Variants in ZFAT observed in about 807,000 individuals in gnomAD.
ZFAT encodes zinc finger protein ZFAT.
Under a neutral mutation model 117.7 loss-of-function variants are expected in ZFAT, and 64 were observed. The ratio of observed to expected loss-of-function variants is 0.54; its 90% CI spans 0.44 to 0.67. The LOEUF is 0.67. ZFAT is among the 30% of genes least tolerant of loss of function. The pLI is 0.00. For synonymous variants in ZFAT, 679 were observed against 615.0 expected, an observed-to-expected ratio of 1.10 and a Z score of -1.54; for missense variants, 1,433 against 1,584.5, an observed-to-expected ratio of 0.90 and a Z score of 1.62.
chr8:134,777,270 G>A, the ZFAT span, among the ~76,000 whole-genome samples: 13 of 152,196 alleles, frequency 8.5e-5, no homozygotes, highest in African/African-American at 3.1e-4. Context: ...AACAGGGGGT[G>A]CAGATTTGCT....
intron 7 of ZFAT, chr8:134,598,519 C>T (rs1043250321): frequency 1.3e-5 from 2 of 152,186 alleles, no homozygotes; most frequent in Admixed American, 6.5e-5. Flanking sequence ...CCTGACACTC[C>T]CCCACTGATC....
At chr8:134,572,990 A>C (rs1351470188) in intron 10 of ZFAT, among the ~76,000 whole-genome samples, 1 of 152,260 alleles carries the variant, frequency 6.6e-6, no homozygotes, top group Non-Finnish European at 1.5e-5. Context: ...AGCCAGACAT[A>C]AAAGAACACA....
At position 134,601,893 on chromosome 8, in the gene ZFAT, T is replaced by C. The variant is rs773560983; in HGVS notation, c.1826A>G (p.His609Arg). 4 of 1,613,814 alleles carry C rather than the reference T, an allele frequency of 2.5e-6. No individual in the cohort carries two copies. The highest frequency in any genetic ancestry group is 1.1e-5 in the South Asian group (1 of 90,982). ...LKNDTSSAEA[H>R]AAPEKPPDMQ... ...GTCTGGGGGCTTCTCAGGAGCAGCA[T>C]GAGCCTCTGCGGAGGAGGTATCATT... The change falls in exon 6 of 16, where the codon CAT (histidine) becomes CGT (arginine). Residue 609 changes from histidine (H) to arginine (R), a missense_variant. By Grantham distance (29) the His-to-Arg change is conservative. Transcript: ENST00000377838.
chr8:134,803,916 T>C, the ZFAT span, among the ~76,000 whole-genome samples: 1 of 152,214 alleles, frequency 6.6e-6, no homozygotes, highest in South Asian at 2.1e-4. Flanking sequence ...TAATCATGTA[T>C]GGAACCTAAC....
At chr8:134,823,236 G>A in the ZFAT span, among the ~76,000 whole-genome samples, 640 of 152,208 alleles carry the variant, frequency 4.2e-3, 5 homozygotes, top group Non-Finnish European at 6.7e-3. Context: ...AGCAGTTTTG[G>A]AAAGTACTGA....
In ZFAT at chr8:134,537,187, T is replaced by C. The variant is rs191795238; in HGVS notation, c.2977-4215A>G. Among the ~76,000 whole-genome samples, 77 of 152,358 alleles carry C rather than the reference T, an allele frequency of 5.1e-4. 1 individual carries two copies. On this transcript the variant is annotated intron_variant, in intron 11 of 15. Coordinates refer to ENST00000377838, the MANE Select transcript of ZFAT (RefSeq NM_020863.4). ...GCTCATATGGTACGTGCAATTATTA[T>C]CCTCATTTTTACAGGTAAGGAAACT...
chr8:134,760,279 A>AAAAC, the ZFAT span, among the ~76,000 whole-genome samples: 4 of 127,914 alleles, frequency 3.1e-5, no homozygotes, highest in African/African-American at 1.1e-4. Context: ...AAAAGAAAAA[A>AAAAC]AAAAAAAAAC....
At chr8:134,670,824 T>C (rs1448558333) in intron 1 of ZFAT, among the ~76,000 whole-genome samples, 2 of 152,192 alleles carry the variant, frequency 1.3e-5, no homozygotes, top group African/African-American at 4.8e-5. Flanking sequence ...GCTGGTTTTT[T>C]GAAAAGATCA....
In ZFAT at chr8:134,572,605, C is replaced by G. The variant is rs559177580; in HGVS notation, c.2888-7184G>C. ...TTCTTCACAAAAAAGAGCCAGTGGC[C>G]TAATTGTGCGAATAATCTCAGGAGT... is the stretch of plus-strand genomic sequence containing the variant. On this transcript the variant is annotated intron_variant, in intron 10 of 15. Transcript: ENST00000377838. 2.0e-5 allele frequency among the ~76,000 whole-genome samples: 3 copies of G among 152,320 alleles called. No individual in the cohort carries two copies. The South Asian group carries it at 6.2e-4, about 32-fold the overall frequency.
At chr8:134,663,444 T>G (rs1248463513) in intron 1 of ZFAT, among the ~76,000 whole-genome samples, 2 of 152,122 alleles carry the variant, frequency 1.3e-5, no homozygotes, top group East Asian at 1.9e-4. Flanking sequence ...TACCAAAATT[T>G]TCACTGTGAA....
At chr8:134,611,766 C>A (rs1373574927) in intron 3 of ZFAT, among the ~76,000 whole-genome samples, 1 of 152,232 alleles carries the variant, frequency 6.6e-6, no homozygotes, top group Non-Finnish European at 1.5e-5. Context: ...TGGGGCCTGC[C>A]TGCTGCCTCT....
chr8:134,490,732 G>A (rs183400259), intron 15 of ZFAT, among the ~76,000 whole-genome samples: 193 of 152,312 alleles, frequency 1.3e-3, no homozygotes, highest in Non-Finnish European at 1.6e-3. Flanking sequence ...AAATTAACAG[G>A]AGAGTCTGCC....
At chr8:134,814,101 C>A in the ZFAT span, among the ~76,000 whole-genome samples, 2 of 152,078 alleles carry the variant, frequency 1.3e-5, no homozygotes, top group Non-Finnish European at 2.9e-5. Context: ...AAAGGGCTTA[C>A]AAGAAAACTA....
At chr8:134,788,711 TTCTTA>T in the ZFAT span, among the ~76,000 whole-genome samples, 1 of 152,282 alleles carries the variant, frequency 6.6e-6, no homozygotes, top group Middle Eastern at 3.4e-3. Context: ...CCTATTTCTC[TTCTTA>T]TATGTCATTC....
the ZFAT span, among the ~76,000 whole-genome samples, chr8:134,820,017 T>A: frequency 6.6e-6 from 1 of 152,224 alleles, no homozygotes; most frequent in African/African-American, 2.4e-5. Context: ...CATCATGATA[T>A]CTTTCTGGAT....
At chr8:134,768,983 G>A in the ZFAT span, among the ~76,000 whole-genome samples, 1 of 152,130 alleles carries the variant, frequency 6.6e-6, no homozygotes, top group East Asian at 1.9e-4. Flanking sequence ...GATCAGCCTG[G>A]CTGACATGAT....
rs866960915 is a variant in ZFAT at position 134,485,403 on chromosome 8, T to A, written c.3493-6682A>T. Among the ~76,000 whole-genome samples, 13 of 152,274 alleles carry A rather than the reference T, an allele frequency of 8.5e-5. 1 individual carries two copies. The Middle Eastern group carries it at 0.01, about 120-fold the overall frequency. The stretch of plus-strand genomic sequence containing the variant: ...AGTCTTTTTTCATTCCTCTCTTTCC[T>A]CTCTAATGAGAAGACACTGATGGAC... On this transcript the variant is annotated intron_variant, in intron 15 of 15. Transcript: ENST00000377838.
At chr8:134,579,875 C>A (rs1288921156) in intron 10 of ZFAT, among the ~76,000 whole-genome samples, 2 of 151,468 alleles carry the variant, frequency 1.3e-5, no homozygotes, top group East Asian at 3.9e-4. Flanking sequence ...TCACTTGAAC[C>A]CAGGAGGTGG....
At chr8:134,617,511 C>G (rs560893353) in intron 3 of ZFAT, among the ~76,000 whole-genome samples, 1 of 152,166 alleles carries the variant, frequency 6.6e-6, no homozygotes, top group African/African-American at 2.4e-5. Flanking sequence ...CTAAGAACCA[C>G]GACAGAAAGT....
Sources: gnomAD v4.1 joint callset for allele counts (sites outside exome capture counted in the v4.1 genomes callset) on GRCh38, gnomAD v4.1.1 for gene constraint, MANE v1.5 for transcripts, NCBI Gene and HGNC (gene_info 2026-07-23, HGNC 2026-07-21) for gene names.